Variants in ERMP1 observed in about 807,000 individuals in gnomAD.
ERMP1 encodes the protein endoplasmic reticulum metallopeptidase 1, also known as Felix-ina.
ERMP1 carries 86 observed loss-of-function variants against 92.0 expected under a neutral mutation model. That is an observed-to-expected ratio of 0.93 (90% CI 0.79 to 1.12). The LOEUF (loss-of-function observed/expected upper bound fraction) is 1.12, where lower values mean the gene tolerates loss of function less well. Ranked by LOEUF, ERMP1 falls within the 50% of genes most tolerant of loss-of-function variation. ERMP1 has a pLI of 0.00. For missense variants in ERMP1, 1,342 were observed against 1,116.3 expected, an observed-to-expected ratio of 1.20 and a Z score of -2.88; for synonymous variants, 530 against 412.8, an observed-to-expected ratio of 1.28 and a Z score of -3.44.
intron 6 of ERMP1, among the ~76,000 whole-genome samples, chr9:5,839,005 C>T (rs1419534032): frequency 6.6e-6 from 1 of 152,182 alleles, no homozygotes; most frequent in African/African-American, 2.4e-5. Context: ...TCTCCAGCAA[C>T]CCTGTGCCTA....
At chr9:5,841,608 G>A (rs376540067) in intron 6 of ERMP1, among the ~76,000 whole-genome samples, 22 of 152,142 alleles carry the variant, frequency 1.4e-4, no homozygotes, top group African/African-American at 4.1e-4. Flanking sequence ...GACCAGCCTC[G>A]CCAACATAGT....
Position 5,832,833 on chromosome 9 carries a change from C to T in ERMP1, c.195G>A (p.Gly65=). ...GGSGGASRGA[G]TGLSEVRAAL... ...CGGCGCGCACCTCAGACAGCCCGGT[C>T]CCCGCGCCCCTGCTCGCGCCGCCGC... The change falls in exon 1 of 15, where the codon GGG becomes GGA. Residue 65 remains glycine (G), a synonymous_variant. Transcript: ENST00000339450. 6.7e-7 allele frequency: 1 copy of T among 1,501,702 alleles called. No individual in the cohort carries two copies. Among genetic ancestry groups the T allele is most frequent in the Non-Finnish European group, 8.8e-7 (1 of 1,133,512 alleles). The allele number at this position is 1,501,702 out of a possible 1,614,324, so 93.0% of individuals were successfully genotyped here.
At chr9:5,819,357 G>A (rs983534830) in intron 4 of ERMP1, among the ~76,000 whole-genome samples, 3 of 152,128 alleles carry the variant, frequency 2.0e-5, no homozygotes, top group African/African-American at 7.2e-5. Context: ...GCCATGAAGG[G>A]AGGGTTCTCA....
intron 8 of ERMP1, among the ~76,000 whole-genome samples, chr9:5,807,656 G>T (rs1381553253): frequency 3.9e-5 from 6 of 152,028 alleles, no homozygotes; most frequent in South Asian, 4.2e-4. Context: ...TGAGGCACAA[G>T]AACAGCTAGA....
intron 10 of ERMP1, among the ~76,000 whole-genome samples, chr9:5,803,738 T>C (rs1387593972): frequency 6.6e-6 from 1 of 152,062 alleles, no homozygotes; most frequent in Non-Finnish European, 1.5e-5. Context: ...ACTATTAAAC[T>C]CAAAAGCAGC....
intron 6 of ERMP1, among the ~76,000 whole-genome samples, chr9:5,846,497 G>C (rs896194081): frequency 1.6e-4 from 24 of 152,202 alleles, no homozygotes; most frequent in African/African-American, 5.8e-4. Context: ...TGGGGAAGCT[G>C]TTTGTAGCTG....
chr9:5,810,007 T>A lies in ERMP1; in HGVS notation c.1548+4A>T, dbSNP rs1249028057. 6.4e-7 allele frequency: 1 copy of A among 1,570,074 alleles called. No homozygotes were observed. Among genetic ancestry groups the A allele is most frequent in the Admixed American group, 1.7e-5 (1 of 59,970 alleles). ...AGAAATCAACAAATATACCAAACACTTACCATGTAATAAAATCTTTTCGCA... is the reference window on the plus strand; with the variant it reads ...AGAAATCAACAAATATACCAAACACATACCATGTAATAAAATCTTTTCGCA... On this transcript the variant is annotated splice_donor_region_variant and intron_variant, in intron 8 of 14. Transcript: ENST00000339450.
At chr9:5,839,069 A>G (rs550784888) in intron 6 of ERMP1, among the ~76,000 whole-genome samples, 1 of 152,332 alleles carries the variant, frequency 6.6e-6, no homozygotes, top group East Asian at 1.9e-4. Flanking sequence ...AAGGCAGTTT[A>G]TAAATTGATT....
At chr9:5,789,843 T>G (rs1015690871) in intron 13 of ERMP1, among the ~76,000 whole-genome samples, 1 of 123,942 alleles carries the variant, frequency 8.1e-6, no homozygotes, top group Non-Finnish European at 1.6e-5. Flanking sequence ...GCTACAAACC[T>G]GGCCTTTTTT....
At chr9:5,842,522 G>A (rs1289794741) in intron 6 of ERMP1, among the ~76,000 whole-genome samples, 1 of 151,566 alleles carries the variant, frequency 6.6e-6, no homozygotes, top group Non-Finnish European at 1.5e-5. Flanking sequence ...ACATTATAAA[G>A]TACTAAATGC....
Position 5,810,093 on chromosome 9 carries a change from T to A in ERMP1, c.1466A>T (p.Tyr489Phe). ...GQSLSWYNHF[Y>F]VSVCLYGTAT... ...AGTTCCATACAGACAAACGGAGACA[T>A]AGAAGTGGTTATACCATGAGAGAGA... The change falls in exon 8 of 15, where the codon TAT becomes TTT. Residue 489 changes from tyrosine to phenylalanine, a missense_variant. Tyr to Phe is a conservative substitution (Grantham distance 22, BLOSUM62 3). Transcript: ENST00000339450. The A allele has an allele frequency of 6.2e-7, 1 of 1,613,936 alleles. No individual in the cohort carries two copies. The highest frequency in any genetic ancestry group is 1.1e-5 in the South Asian group (1 of 91,080).
chr9:5,850,117 C>T (rs372735500), intron 6 of ERMP1, among the ~76,000 whole-genome samples: 12 of 152,246 alleles, frequency 7.9e-5, no homozygotes, highest in African/African-American at 2.6e-4. Flanking sequence ...AGGTCTCCCC[C>T]CCTTTACACT....
At chr9:5,798,406 C>T (rs1187848899) in intron 12 of ERMP1, among the ~76,000 whole-genome samples, 3 of 151,826 alleles carry the variant, frequency 2.0e-5, no homozygotes, top group South Asian at 2.1e-4. Context: ...AGTAGAGACA[C>T]GGTTTCTCCA....
rs373026578 is a variant in ERMP1, at chr9:5,805,585, G to A, written c.1723+26C>T. ...TAAGTATTTTAAGGTATTCTCCCAT[G>A]TATATCAAAATCAAAAATACCCTAC... On this transcript the variant is annotated intron_variant, in intron 9 of 14. Coordinates refer to ENST00000339450, the MANE Select transcript of ERMP1 (RefSeq NM_024896.3). 3.4e-5 allele frequency: 53 copies of A among 1,538,422 alleles called. No homozygotes were observed. The Middle Eastern group carries it at 7.0e-4, about 20-fold the overall frequency.
chr9:5,791,891 C>G (rs1563746232), intron 13 of ERMP1, among the ~76,000 whole-genome samples: 1 of 152,124 alleles, frequency 6.6e-6, no homozygotes, highest in Admixed American at 6.5e-5. Context: ...AAGACATAAA[C>G]TACATAATCG....
At chr9:5,862,673 A>G (rs1457739527) in intron 5 of ERMP1, among the ~76,000 whole-genome samples, 1 of 152,170 alleles carries the variant, frequency 6.6e-6, no homozygotes, top group Non-Finnish European at 1.5e-5. Context: ...CATTTTATAC[A>G]TAACATTGGT....
chr9:5,867,031 C>A (rs1372379659), intron 5 of ERMP1, among the ~76,000 whole-genome samples: 1 of 152,148 alleles, frequency 6.6e-6, no homozygotes, highest in African/African-American at 2.4e-5. Context: ...CCCATCTCTA[C>A]AAGAAAATTT....
At chr9:5,790,181 T>C (rs367650301) in intron 13 of ERMP1, among the ~76,000 whole-genome samples, 23 of 149,676 alleles carry the variant, frequency 1.5e-4, no homozygotes, top group Non-Finnish European at 2.1e-4. Flanking sequence ...TTTTTTTTTT[T>C]TTTTTTTTTT....
chr9:5,835,459 G>T (rs968366881), upstream of ERMP1, among the ~76,000 whole-genome samples: 1 of 152,232 alleles, frequency 6.6e-6, no homozygotes, highest in Non-Finnish European at 1.5e-5. Context: ...TTATTAGGGT[G>T]ATCAGAGATG....
Sources: allele counts gnomAD v4.1 joint callset (sites outside exome capture counted in the v4.1 genomes callset), GRCh38; gene constraint gnomAD v4.1.1; transcripts MANE v1.5; gene names NCBI Gene and HGNC (gene_info 2026-07-23, HGNC 2026-07-21).